Variants in KDM2A observed in about 807,000 individuals in gnomAD.
KDM2A encodes lysine demethylase 2A.
KDM2A carries 3 observed loss-of-function variants against 137.3 expected under a neutral mutation model. The observed-to-expected ratio is 0.02, with a 90% CI of 0.01 to 0.06. The LOEUF is 0.06. Ranked by LOEUF, KDM2A falls within the 10% of genes least tolerant of loss-of-function variation. The pLI is 1.00. For missense variants in KDM2A, 738 were observed against 1,510.6 expected, an observed-to-expected ratio of 0.49 and a Z score of 8.48; for synonymous variants, 512 against 541.5, an observed-to-expected ratio of 0.95 and a Z score of 0.76.
chr11:67,214,589 T>C (rs1488948711), intron 6 of KDM2A, among the ~76,000 whole-genome samples: 1 of 152,204 alleles, frequency 6.6e-6, no homozygotes, highest in Non-Finnish European at 1.5e-5. Context: ...TCCGCCTGCC[T>C]TGGCCTCCCA....
chr11:67,210,939 C>T (rs553491463), intron 6 of KDM2A, among the ~76,000 whole-genome samples: 1 of 152,224 alleles, frequency 6.6e-6, no homozygotes, highest in South Asian at 2.1e-4. Context: ...CCCAAGAGTT[C>T]GAGACCACTC....
In KDM2A at chr11:67,119,390, TG is replaced by T; in HGVS notation, c.-740del. The T allele has an allele frequency of 6.1e-6, 1 of 162,686 alleles. No individual in the cohort carries two copies. The allele number at this position is 162,686 out of a possible 1,614,324, so 10.1% of individuals were successfully genotyped here. A position where few individuals can be genotyped will look rare whatever the true frequency, so the allele number is the denominator to read the frequency against. ...GCTCTCGGAGCACCTTCCCAGCGGC[TG>T]GGCCCGTGGCCGCTCTGTCTTTCCT... On this transcript the variant is annotated 5_prime_UTR_variant, in exon 1 of 21. Coordinates refer to ENST00000529006, the MANE Select transcript of KDM2A (RefSeq NM_012308.3).
intron 5 of KDM2A, among the ~76,000 whole-genome samples, chr11:67,205,505 A>G (rs555062572): frequency 6.6e-6 from 1 of 151,900 alleles, no homozygotes; most frequent in South Asian, 2.1e-4. Flanking sequence ...TTTTTTTTCT[A>G]CAGCCTCGAC....
intron 5 of KDM2A, among the ~76,000 whole-genome samples, chr11:67,205,314 AATAT>A (rs1284032293): frequency 6.6e-6 from 1 of 152,094 alleles, no homozygotes; most frequent in African/African-American, 2.4e-5. Context: ...TTTTACTAGT[AATAT>A]ATATATTCTG....
At chr11:67,222,907 A>G (rs1050418810) in intron 10 of KDM2A, among the ~76,000 whole-genome samples, 6 of 151,610 alleles carry the variant, frequency 4.0e-5, no homozygotes, top group Non-Finnish European at 7.4e-5. Context: ...GGGAAAAAAA[A>G]AAAAGGCCAG....
At chr11:67,205,879 C>A (rs1279699850) in intron 5 of KDM2A, among the ~76,000 whole-genome samples, 2 of 152,152 alleles carry the variant, frequency 1.3e-5, no homozygotes, top group East Asian at 3.9e-4. Flanking sequence ...TGGAATTGTC[C>A]CTGTTGAATC....
chr11:67,134,702 G>T (rs1037217337), intron 2 of KDM2A, among the ~76,000 whole-genome samples: 2 of 151,794 alleles, frequency 1.3e-5, no homozygotes, highest in Admixed American at 6.6e-5. Context: ...ACAGGATTTC[G>T]CCACGTTGAC....
chr11:67,205,623 G>T (rs1857780285), intron 5 of KDM2A, among the ~76,000 whole-genome samples: 1 of 151,670 alleles, frequency 6.6e-6, no homozygotes, highest in Non-Finnish European at 1.5e-5. Context: ...GTATTTTTTT[G>T]TTTTGTGTGT....
intron 8 of KDM2A, among the ~76,000 whole-genome samples, chr11:67,216,884 C>T (rs1335632790): frequency 6.6e-6 from 1 of 151,392 alleles, no homozygotes; most frequent in Admixed American, 6.6e-5. Flanking sequence ...CGCGCCATTG[C>T]ACTCTAGCCT....
rs189282758 is a variant in KDM2A at position 67,172,697 on chromosome 11, G to C, written c.43-7382G>C. Among the ~76,000 whole-genome samples, 47 of 151,088 alleles carry C rather than the reference G, an allele frequency of 3.1e-4. 1 individual carries two copies. Among genetic ancestry groups the C allele is most frequent in the Admixed American group, 2.8e-3 (42 of 15,080 alleles). On this transcript the variant is annotated intron_variant, in intron 2 of 20. Coordinates refer to ENST00000529006, the MANE Select transcript of KDM2A (RefSeq NM_012308.3). ...TACAAGATCATGTAATTTGTGAATAGATGTAGTTTTACTTGTTCCTTTCCA... is the reference window on the plus strand; with the variant it reads ...TACAAGATCATGTAATTTGTGAATACATGTAGTTTTACTTGTTCCTTTCCA...
In KDM2A at chr11:67,245,314, A is replaced by T. The variant is rs1453450249; in HGVS notation, c.1689A>T (p.Gly563=). Residue 563 remains glycine, a synonymous_variant, in exon 14 of 21, where the codon GGA becomes GGT. Coordinates refer to ENST00000529006, the MANE Select transcript of KDM2A (RefSeq NM_012308.3). This position sits in a 1 kb window ranked among gnomAD's most constrained non-coding sequence, Gnocchi z 4.1. Reference sequence around the variant, plus strand: ...CTGCTGCCTCCCCGATTGTGTCAGGAGCCAGACGGAGACGAGTGCGATGTC... The same window carrying T: ...CTGCTGCCTCCCCGATTGTGTCAGGTGCCAGACGGAGACGAGTGCGATGTC... ...RPAAASPIVS[G]ARRRRVRCRK... 1.9e-6 allele frequency: 3 copies of T among 1,613,918 alleles called. No homozygotes were observed. The highest frequency in any genetic ancestry group is 2.5e-6 in the Non-Finnish European group (3 of 1,179,920).
At position 67,221,792 on chromosome 11, in the gene KDM2A, G is replaced by A. The variant is rs528353692; in HGVS notation, c.957+2389G>A. On this transcript the variant is annotated intron_variant, in intron 10 of 20. Coordinates refer to ENST00000529006, the MANE Select transcript of KDM2A (RefSeq NM_012308.3). ...TGAGACTCTCCTGGGCAACAAAGCC[G>A]GGTGTGGTGGTGCATGCCTGTAATC... is the stretch of plus-strand genomic sequence containing the variant. 5.9e-5 allele frequency among the ~76,000 whole-genome samples: 9 copies of A among 152,200 alleles called. No individual in the cohort carries two copies. In the East Asian group the frequency reaches 7.7e-4, roughly 13 times the overall value.
At position 67,250,072 on chromosome 11, in the gene KDM2A, G is replaced by A; in HGVS notation, c.2056-14G>A. ...AGGAAGCACTGATGTTGCTTTTCTG[G>A]GCCTGTTTTGCAGAAGCGGAAAATG... On this transcript the variant is annotated splice_polypyrimidine_tract_variant and intron_variant, in intron 16 of 20. Transcript: ENST00000529006. The surrounding 1 kb of genome is among the most constrained non-coding windows in gnomAD (Gnocchi z 7.1). 6.4e-7 allele frequency: 1 copy of A among 1,564,148 alleles called. No homozygotes were observed. The highest frequency in any genetic ancestry group is 8.7e-7 in the Non-Finnish European group (1 of 1,154,776).
At chr11:67,145,082 G>T (rs1000580105) in intron 2 of KDM2A, among the ~76,000 whole-genome samples, 1 of 150,158 alleles carries the variant, frequency 6.7e-6, no homozygotes, top group Non-Finnish European at 1.5e-5. Flanking sequence ...ATGTTGGCCA[G>T]GCGGGTCTTG....
chr11:67,156,546 T>C (rs1856518819), intron 2 of KDM2A, among the ~76,000 whole-genome samples: 1 of 151,490 alleles, frequency 6.6e-6, no homozygotes, highest in African/African-American at 2.4e-5. Flanking sequence ...TGAAACCCCG[T>C]CTCTACTAGA....
At chr11:67,188,987 C>T (rs1857277495) in intron 5 of KDM2A, among the ~76,000 whole-genome samples, 1 of 151,732 alleles carries the variant, frequency 6.6e-6, no homozygotes, top group South Asian at 2.1e-4. Context: ...ACTTCAGTAC[C>T]CCCTCTCAAT....
intron 2 of KDM2A, among the ~76,000 whole-genome samples, chr11:67,123,460 A>G (rs1206166567): frequency 2.0e-5 from 3 of 152,022 alleles, no homozygotes; most frequent in Non-Finnish European, 4.4e-5. Context: ...TATCTGTAGT[A>G]GAATATTGTA....
Position 67,215,443 on chromosome 11 carries a change from A to G in KDM2A, c.590A>G (p.Gln197Arg). 1 of 1,606,896 alleles carries G rather than the reference A, an allele frequency of 6.2e-7. No homozygotes were observed. The highest frequency in any genetic ancestry group is 8.5e-7 in the Non-Finnish European group (1 of 1,173,648). Residue 197 changes from glutamine (Q) to arginine (R), a missense_variant, in exon 7 of 21, where the codon CAG becomes CGG. Coordinates refer to ENST00000529006, the MANE Select transcript of KDM2A (RefSeq NM_012308.3). The part of the protein sequence containing the change: ...AILEMQYPKV[Q>R]KYCLMSVRGC... ...TTGGAGATGCAGTACCCTAAAGTGC[A>G]GAAGTAAGTGATGCGCCCTGCATCT...
Position 67,245,757 on chromosome 11 carries a change from A to G in KDM2A, c.1834-228A>G, listed in dbSNP as rs753196445. 8.2e-6 allele frequency: 5 copies of G among 607,430 alleles called. No individual in the cohort carries two copies. The highest frequency in any genetic ancestry group is 1.4e-5 in the Non-Finnish European group (5 of 351,560). The allele number at this position is 607,430 out of a possible 1,614,324, so 37.6% of individuals were successfully genotyped here. A position where few individuals can be genotyped will look rare whatever the true frequency, so the allele number is the denominator to read the frequency against. On this transcript the variant is annotated intron_variant, in intron 14 of 20. Coordinates refer to ENST00000529006, the MANE Select transcript of KDM2A (RefSeq NM_012308.3). This position sits in a 1 kb window ranked among gnomAD's most constrained non-coding sequence, Gnocchi z 4.1. ...TTAGAAAGGACCGGGGAGGCCAAGTATAGGCCAACTGAAAATAAACTAGTC... is the reference window on the plus strand; with the variant it reads ...TTAGAAAGGACCGGGGAGGCCAAGTGTAGGCCAACTGAAAATAAACTAGTC...
Sources: gnomAD v4.1 joint callset for allele counts (sites outside exome capture counted in the v4.1 genomes callset) on GRCh38, gnomAD v4.1.1 for gene constraint, Gnocchi (gnomAD v3.1) non-coding constraint, MANE v1.5 for transcripts, NCBI Gene and HGNC (gene_info 2026-07-23, HGNC 2026-07-21) for gene names.